Variants in TMEM178A observed in about 807,000 individuals in gnomAD.
The protein encoded by TMEM178A is transmembrane protein 178.
TMEM178A carries 12 observed loss-of-function variants against 29.1 expected under a neutral mutation model. That is an observed-to-expected ratio of 0.41 (90% CI 0.26 to 0.67). The LOEUF (loss-of-function observed/expected upper bound fraction) is 0.67. Ranked by LOEUF, TMEM178A falls within the 30% of genes least tolerant of loss-of-function variation. The pLI, the probability that TMEM178A is intolerant of heterozygous loss-of-function variation, is 0.29. For synonymous variants in TMEM178A, 210 were observed against 187.2 expected (o/e 1.12, Z -0.99); for missense variants, 366 against 419.1 (o/e 0.87, Z 1.11).
At chr2:39,676,647 C>T (rs1252681603) in intron 1 of TMEM178A, among the ~76,000 whole-genome samples, 2 of 152,138 alleles carry the variant, frequency 1.3e-5, no homozygotes, top group Admixed American at 1.3e-4. Context: ...CCCAGGCTCC[C>T]CAGGAAGCAC....
At chr2:39,687,122 A>G (rs1237966852) in intron 1 of TMEM178A, among the ~76,000 whole-genome samples, 5 of 151,942 alleles carry the variant, frequency 3.3e-5, no homozygotes, top group African/African-American at 1.2e-4. Flanking sequence ...TGTCCTTGTC[A>G]GGATTAGATA....
intron 1 of TMEM178A, among the ~76,000 whole-genome samples, chr2:39,688,338 T>G (rs1303752361): frequency 1.3e-5 from 2 of 152,352 alleles, no homozygotes; most frequent in East Asian, 3.9e-4. Flanking sequence ...GGGTCGTGAT[T>G]TAGAGATGCC....
chr2:39,718,446 G>T (rs1672630643), downstream of TMEM178A, among the ~76,000 whole-genome samples: 1 of 152,176 alleles, frequency 6.6e-6, no homozygotes, highest in Non-Finnish European at 1.5e-5. Flanking sequence ...GAGCATTTTT[G>T]TAAAAACATC....
At chr2:39,725,462 ATCT>A in the TMEM178A span, among the ~76,000 whole-genome samples, 1 of 152,196 alleles carries the variant, frequency 6.6e-6, no homozygotes. Context: ...GAAGAAAAAA[ATCT>A]TCCTTCAGGG....
chr2:39,668,753 A>C (rs1057181374), intron 1 of TMEM178A, among the ~76,000 whole-genome samples: 4 of 152,214 alleles, frequency 2.6e-5, no homozygotes, highest in African/African-American at 9.7e-5. Context: ...CTACTAACCA[A>C]CCTTGGGCTA....
At chr2:39,680,208 AG>A (rs1347802133) in intron 1 of TMEM178A, among the ~76,000 whole-genome samples, 2 of 152,198 alleles carry the variant, frequency 1.3e-5, no homozygotes, top group Admixed American at 1.3e-4. Context: ...TAACCTGTTT[AG>A]TCTCTTGTAG....
chr2:39,723,122 T>C, the TMEM178A span, among the ~76,000 whole-genome samples: 1 of 152,210 alleles, frequency 6.6e-6, no homozygotes, highest in Non-Finnish European at 1.5e-5. Context: ...ACACCTTTTA[T>C]TTCCATCCTC....
chr2:39,724,844 T>C, the TMEM178A span, among the ~76,000 whole-genome samples: 1 of 152,238 alleles, frequency 6.6e-6, no homozygotes, highest in African/African-American at 2.4e-5. Context: ...GAGGTCAGCA[T>C]GTCCAAGTAT....
At chr2:39,695,763 C>T (rs1302342992) in intron 1 of TMEM178A, among the ~76,000 whole-genome samples, 1 of 151,898 alleles carries the variant, frequency 6.6e-6, no homozygotes, top group African/African-American at 2.4e-5. Context: ...CTGGACAGAG[C>T]CAGTCAATGA....
At chr2:39,690,063 C>A (rs901863338) in intron 1 of TMEM178A, among the ~76,000 whole-genome samples, 3 of 152,154 alleles carry the variant, frequency 2.0e-5, no homozygotes, top group Admixed American at 6.5e-5. Flanking sequence ...TTCTGCCTTG[C>A]CCCACCCCTA....
intron 3 of TMEM178A, among the ~76,000 whole-genome samples, chr2:39,708,644 C>G (rs1372779009): frequency 6.6e-6 from 1 of 151,610 alleles, no homozygotes; most frequent in Non-Finnish European, 1.5e-5. Context: ...GTCTCGATCT[C>G]CTGACCTCGT....
chr2:39,701,345 AT>A (rs751591750), intron 1 of TMEM178A, among the ~76,000 whole-genome samples: 115 of 152,040 alleles, frequency 7.6e-4, no homozygotes, highest in Middle Eastern at 6.8e-3. Context: ...CAGTCTTCTT[AT>A]TTCTGTGTTT....
At chr2:39,673,828 G>A (rs1451507194) in intron 1 of TMEM178A, among the ~76,000 whole-genome samples, 1 of 152,196 alleles carries the variant, frequency 6.6e-6, no homozygotes, top group African/African-American at 2.4e-5. Flanking sequence ...TGGTGTGGGG[G>A]ATGTGAGCAC....
intron 1 of TMEM178A, among the ~76,000 whole-genome samples, chr2:39,693,202 C>T (rs1219474741): frequency 1.3e-5 from 2 of 152,234 alleles, no homozygotes; most frequent in East Asian, 1.9e-4. Context: ...GGTTTGCTTC[C>T]CACCTTCTTT....
chr2:39,712,912 T>A (rs1672376260), intron 3 of TMEM178A, among the ~76,000 whole-genome samples: 1 of 152,250 alleles, frequency 6.6e-6, no homozygotes, highest in Admixed American at 6.5e-5. Flanking sequence ...AAATGCAGCA[T>A]TATCAGAAAT....
intron 1 of TMEM178A, among the ~76,000 whole-genome samples, chr2:39,684,822 C>T (rs151105782): frequency 1.7e-3 from 253 of 152,222 alleles, no homozygotes; most frequent in Non-Finnish European, 2.9e-3. Flanking sequence ...ATAAACAACC[C>T]TGTCCCCTAC....
At chr2:39,665,495 TG>T, upstream of TMEM178A, 1 of 150,266 alleles carries the variant, frequency 6.7e-6, no homozygotes, top group Non-Finnish European at 1.5e-5. Flanking sequence ...AGCAAATGAG[TG>T]GGGGAAAGTG....
the TMEM178A span, among the ~76,000 whole-genome samples, chr2:39,729,032 C>T: frequency 6.6e-6 from 1 of 152,104 alleles, no homozygotes; most frequent in East Asian, 1.9e-4. Context: ...TGTGGCACAG[C>T]GCCCCCAGCT....
intron 3 of TMEM178A, 65 bp from the exon 4 acceptor site, chr2:39,716,945 C>CG: frequency 6.5e-7 from 1 of 1,545,714 alleles, no homozygotes; most frequent in Non-Finnish European, 8.8e-7. Context: ...AAAGGCCTGT[C>CG]TGGCATTTGT....
Sources: allele counts gnomAD v4.1 joint callset (sites outside exome capture counted in the v4.1 genomes callset), GRCh38; gene constraint gnomAD v4.1.1; transcripts MANE v1.5; gene names NCBI Gene and HGNC (gene_info 2026-07-23, HGNC 2026-07-21).